The following ZNF454 variants were observed in gnomAD, a reference collection of about 807,000 sequenced individuals.
ZNF454 encodes the protein zinc finger protein 454.
ZNF454 carries 30 observed loss-of-function variants against 48.2 expected under a neutral mutation model. That is an observed-to-expected ratio of 0.62 (90% CI 0.47 to 0.84). ZNF454 has a LOEUF of 0.84. ZNF454 is among the 40% of genes least tolerant of loss of function. The probability of loss-of-function intolerance (pLI) is 0.00; values close to 1 mark genes in which losing one functional copy is unlikely to be tolerated. For missense variants in ZNF454, 510 were observed against 623.1 expected (o/e 0.82, Z 1.93); for synonymous variants, 204 against 211.4 (o/e 0.97, Z 0.30).
At chr5:178,957,499 T>C (rs7719143) in intron 4 of ZNF454, among the ~76,000 whole-genome samples, 3,003 of 152,148 alleles carry the variant, frequency 0.02, 40 homozygotes, top group East Asian at 0.062. Context: ...AAGCTCCACC[T>C]CCTGGGTTTA....
the ZNF454 span, chr5:178,985,681 C>A: frequency 9.1e-4 from 353 of 389,740 alleles, 3 homozygotes; most frequent in South Asian, 1.6e-3. Flanking sequence ...CCAGCCTGGG[C>A]GACACAGCGA....
At chr5:178,973,506 C>A in the ZNF454 span, among the ~76,000 whole-genome samples, 1 of 152,098 alleles carries the variant, frequency 6.6e-6, no homozygotes, top group Non-Finnish European at 1.5e-5. Flanking sequence ...AGTGGCAAAT[C>A]TTTTATCCTC....
At chr5:178,956,857 C>G in intron 4 of ZNF454, 1 of 351,376 alleles carries the variant, frequency 2.8e-6, no homozygotes, top group Non-Finnish European at 5.7e-6. Context: ...AGGCGCCCGC[C>G]ACCATGCCCG....
chr5:178,982,734 G>A, the ZNF454 span: 44 of 582,130 alleles, frequency 7.6e-5, no homozygotes, highest in Admixed American at 1.2e-4. Context: ...GTTAAGAAGA[G>A]GGGTTAGAAG....
At chr5:178,985,260 A>T in the ZNF454 span, 2 of 456,464 alleles carry the variant, frequency 4.4e-6, no homozygotes, top group Non-Finnish European at 4.4e-6. Context: ...TTAGAAAATA[A>T]CTTCACTGTT....
intron 4 of ZNF454, among the ~76,000 whole-genome samples, chr5:178,949,544 T>A (rs781701107): frequency 1.3e-5 from 2 of 152,202 alleles, no homozygotes. Flanking sequence ...CTAATTCATG[T>A]TCATTCTCAA....
intron 4 of ZNF454, among the ~76,000 whole-genome samples, chr5:178,948,926 A>G (rs1219947740): frequency 1.3e-5 from 2 of 150,172 alleles, no homozygotes; most frequent in Non-Finnish European, 3.0e-5. Flanking sequence ...TTTTGAAGAC[A>G]CAGTCTCCTT....
chr5:178,965,849 A>G lies in ZNF454; in HGVS notation c.1445A>G (p.His482Arg). 6 of 1,613,820 alleles carry G rather than the reference A, an allele frequency of 3.7e-6. No individual in the cohort carries two copies. The highest frequency in any genetic ancestry group is 5.1e-6 in the Non-Finnish European group (6 of 1,179,972). ...ICEKAFIRST[H>R]LTQHQRIHTG... ...GAGAAAGCCTTTATCCGAAGCACTC[A>G]CCTGACTCAACATCAGAGGATTCAC... Residue 482 changes from histidine (H) to arginine (R), a missense_variant, in exon 5 of 5, where the codon CAC becomes CGC. His to Arg is a conservative substitution (Grantham distance 29, BLOSUM62 0). Coordinates refer to ENST00000519564, the MANE Select transcript of ZNF454 (RefSeq NM_001178089.3). The surrounding 1 kb of genome is among the most constrained non-coding windows in gnomAD (Gnocchi z 5.2).
intron 2 of ZNF454, among the ~76,000 whole-genome samples, chr5:178,945,610 G>C (rs1486572441): frequency 2.0e-5 from 3 of 147,586 alleles, no homozygotes; most frequent in Non-Finnish European, 4.5e-5. Context: ...TGTGTAGGGG[G>C]TGTGGATATG....
chr5:178,965,910 G>C lies in ZNF454; in HGVS notation c.1506G>C (p.Gly502=). 1 of 1,609,490 alleles carries C rather than the reference G, an allele frequency of 6.2e-7. No homozygotes were observed. The highest frequency in any genetic ancestry group is 1.1e-5 in the South Asian group (1 of 90,534). ...GEKPYKCNKC[G]KAFNQTANLI... ...AACCCTATAAATGTAATAAATGTGG[G>C]AAAGCTTTTAACCAGACTGCAAACC... is the stretch of plus-strand genomic sequence containing the variant. Residue 502 remains glycine (G), a synonymous_variant, in exon 5 of 5, where the codon GGG becomes GGC. Transcript: ENST00000519564. The surrounding 1 kb of genome is among the most constrained non-coding windows in gnomAD (Gnocchi z 5.2).
chr5:178,945,633 G>T (rs1267317302), intron 2 of ZNF454, among the ~76,000 whole-genome samples: 4 of 143,756 alleles, frequency 2.8e-5, no homozygotes, highest in African/African-American at 7.8e-5. Flanking sequence ...TGTGTGTTTT[G>T]TGTGTGTGTG....
chr5:178,955,062 C>T (rs763219474), intron 4 of ZNF454, among the ~76,000 whole-genome samples: 69 of 152,230 alleles, frequency 4.5e-4, no homozygotes, highest in Admixed American at 3.5e-3. Flanking sequence ...CATATGTTCT[C>T]ATTAGGGTAA....
At chr5:178,971,026 A>G (rs1171927984), downstream of ZNF454, among the ~76,000 whole-genome samples, 4 of 152,270 alleles carry the variant, frequency 2.6e-5, no homozygotes, top group Non-Finnish European at 5.9e-5. Context: ...CACGCCTGGC[A>G]CCAGATGCTG....
chr5:178,962,015 A>T (rs1760027521), intron 4 of ZNF454, among the ~76,000 whole-genome samples: 1 of 151,402 alleles, frequency 6.6e-6, no homozygotes, highest in African/African-American at 2.4e-5. Context: ...TTCCACATGG[A>T]ATTATTTTTC....
downstream of ZNF454, chr5:178,969,501 A>G: frequency 2.2e-6 from 1 of 456,864 alleles, no homozygotes; most frequent in South Asian, 1.5e-5. Context: ...CTGTGACAAG[A>G]TGAAGGACCA....
In ZNF454 at chr5:178,964,663, A is replaced by G. The variant is rs773877957; in HGVS notation, c.259A>G (p.Thr87Ala). 8 of 1,611,980 alleles carry G rather than the reference A, an allele frequency of 5.0e-6. No homozygotes were observed. In the Admixed American group the frequency reaches 1.2e-4, roughly 24 times the overall value. The stretch of plus-strand genomic sequence containing the variant: ...TTTTTAATGTCTTTCAGACTGGATG[A>G]CTATGCCTGCCAGTAAGAAATCTAC... ...TPGGFCLDWM[T>A]MPASKKSTVK... The change falls in exon 5 of 5, where the codon ACT becomes GCT. Residue 87 changes from threonine (T) to alanine (A), a missense_variant. By Grantham distance (58) the Thr-to-Ala change is moderately conservative (BLOSUM62 0). Transcript: ENST00000519564.
the ZNF454 span, chr5:178,978,368 T>C: frequency 2.0e-5 from 3 of 151,702 alleles, no homozygotes. Flanking sequence ...AGTAACTGAA[T>C]AAAGTCAGTT....
intron 4 of ZNF454, among the ~76,000 whole-genome samples, chr5:178,956,227 A>T (rs1759742273): frequency 6.6e-6 from 1 of 152,182 alleles, no homozygotes; most frequent in African/African-American, 2.4e-5. Context: ...CAGTTAAAAT[A>T]TCTTACATTT....
chr5:178,983,003 C>T, the ZNF454 span: 1 of 1,614,138 alleles, frequency 6.2e-7, no homozygotes, highest in Admixed American at 1.7e-5. Flanking sequence ...TGGGCTTGGC[C>T]TCGTTGAAGG....
Sources: gnomAD v4.1 joint callset for allele counts (sites outside exome capture counted in the v4.1 genomes callset) on GRCh38, gnomAD v4.1.1 for gene constraint, Gnocchi (gnomAD v3.1) non-coding constraint, MANE v1.5 for transcripts, NCBI Gene and HGNC (gene_info 2026-07-23, HGNC 2026-07-21) for gene names.